The following CLVS1 variants were observed in gnomAD, a reference collection of about 807,000 sequenced individuals.
The protein encoded by CLVS1 is clavesin-1.
In CLVS1, 10 loss-of-function variants were observed where a neutral mutation model predicts 33.1. The observed-to-expected ratio is 0.30, with a 90% CI of 0.19 to 0.51. The LOEUF (loss-of-function observed/expected upper bound fraction) is 0.51. CLVS1 is among the 20% of genes least tolerant of loss of function. CLVS1 has a pLI of 0.97. For missense variants in CLVS1, 343 were observed against 433.4 expected (o/e 0.79, Z 1.85); for synonymous variants, 163 against 166.1 (o/e 0.98, Z 0.14).
intron 3 of CLVS1, among the ~76,000 whole-genome samples, chr8:61,443,490 G>A (rs976920063): frequency 1.3e-5 from 2 of 151,980 alleles, no homozygotes; most frequent in African/African-American, 4.8e-5. Flanking sequence ...AGCACCATTT[G>A]TTGAAAACTA....
chr8:61,192,640 C>T (rs988646223), intron 2 of CLVS1, among the ~76,000 whole-genome samples: 2 of 152,106 alleles, frequency 1.3e-5, no homozygotes, highest in African/African-American at 4.8e-5. Flanking sequence ...GGCTAATATC[C>T]AGAATCTACA....
chr8:61,006,534 G>T, the CLVS1 span, among the ~76,000 whole-genome samples: 4 of 152,184 alleles, frequency 2.6e-5, no homozygotes, highest in East Asian at 7.7e-4. Flanking sequence ...CAGTGGGTGT[G>T]AAGAAACAAA....
chr8:61,118,786 T>G (rs890474390), intron 1 of CLVS1, among the ~76,000 whole-genome samples: 2 of 152,214 alleles, frequency 1.3e-5, no homozygotes, highest in African/African-American at 4.8e-5. Flanking sequence ...AGAGCTTTAC[T>G]TCCAACTATG....
chr8:61,443,357 G>A (rs563216151), intron 3 of CLVS1, among the ~76,000 whole-genome samples: 1 of 152,204 alleles, frequency 6.6e-6, no homozygotes, highest in South Asian at 2.1e-4. Flanking sequence ...CTTTCTAAAA[G>A]TTTTATGGTT....
At chr8:61,157,508 G>C (rs902206659) in intron 2 of CLVS1, among the ~76,000 whole-genome samples, 9 of 152,042 alleles carry the variant, frequency 5.9e-5, no homozygotes, top group African/African-American at 2.2e-4. Flanking sequence ...ATTTCCTAGA[G>C]AGTACCCAAA....
At chr8:61,185,420 C>T (rs1306884177) in intron 2 of CLVS1, among the ~76,000 whole-genome samples, 1 of 151,790 alleles carries the variant, frequency 6.6e-6, no homozygotes, top group African/African-American at 2.4e-5. Context: ...TCCAAAAGTC[C>T]TGGAATTATA....
intron 2 of CLVS1, among the ~76,000 whole-genome samples, chr8:61,255,242 G>A (rs1316732425): frequency 6.6e-6 from 1 of 152,134 alleles, no homozygotes; most frequent in Non-Finnish European, 1.5e-5. Context: ...CCAGAGTGTT[G>A]GGGTGAGTGC....
chr8:61,469,922 G>A lies in CLVS1; in HGVS notation c.977+11380G>A, dbSNP rs185134209. Among the ~76,000 whole-genome samples the A allele has an allele frequency of 1.8e-4, 28 of 152,220 alleles. No individual in the cohort carries two copies. In the East Asian group the frequency reaches 3.9e-3, roughly 21 times the overall value. ...TGTGATTGAACTTCTTAGTTTTGGCGTCTCACTGCTACTCAAGCAGCTAAT... is the reference window on the plus strand; with the variant it reads ...TGTGATTGAACTTCTTAGTTTTGGCATCTCACTGCTACTCAAGCAGCTAAT... On this transcript the variant is annotated intron_variant, in intron 5 of 5. Transcript: ENST00000325897.
intron 2 of CLVS1, among the ~76,000 whole-genome samples, chr8:61,182,488 A>G (rs1368386855): frequency 6.6e-6 from 1 of 152,222 alleles, no homozygotes; most frequent in African/African-American, 2.4e-5. Flanking sequence ...TTTATGAGAA[A>G]AAAACAAACA....
intron 3 of CLVS1, among the ~76,000 whole-genome samples, chr8:61,385,542 A>C (rs1320385538): frequency 6.6e-6 from 1 of 152,216 alleles, no homozygotes; most frequent in African/African-American, 2.4e-5. Context: ...TGCCCTTGCA[A>C]AAGAATTAGT....
chr8:60,989,261 A>G, the CLVS1 span, among the ~76,000 whole-genome samples: 2 of 151,770 alleles, frequency 1.3e-5, no homozygotes, highest in African/African-American at 2.4e-5. Flanking sequence ...GCTCACTGCA[A>G]TCTCCACCTC....
intron 3 of CLVS1, among the ~76,000 whole-genome samples, chr8:61,383,335 GA>G (rs1438970885): frequency 6.6e-6 from 1 of 152,228 alleles, no homozygotes; most frequent in Non-Finnish European, 1.5e-5. Flanking sequence ...TAATGAGGCT[GA>G]AATGCACCTC....
At chr8:61,376,509 A>C (rs59810823) in intron 2 of CLVS1, 96 bp from the exon 3 acceptor site, 3 of 1,167,634 alleles carry the variant, frequency 2.6e-6, no homozygotes, top group Non-Finnish European at 3.7e-6. Flanking sequence ...GGCGGGGTTC[A>C]TGGAGCAGTG....
intron 2 of CLVS1, among the ~76,000 whole-genome samples, chr8:61,367,890 C>T (rs1281408725): frequency 2.0e-5 from 3 of 152,330 alleles, no homozygotes; most frequent in East Asian, 1.9e-4. Context: ...TCTTCCACAA[C>T]GTACAGAATC....
At chr8:61,272,628 C>A (rs1263847582) in intron 2 of CLVS1, among the ~76,000 whole-genome samples, 1 of 152,240 alleles carries the variant, frequency 6.6e-6, no homozygotes, top group South Asian at 2.1e-4. Flanking sequence ...CTTTCAGGTA[C>A]ACCAATCAGA....
intron 3 of CLVS1, among the ~76,000 whole-genome samples, chr8:61,449,747 A>G (rs535166124): frequency 6.6e-6 from 1 of 152,174 alleles, no homozygotes; most frequent in East Asian, 1.9e-4. Flanking sequence ...TGATACATAG[A>G]GCTAAATAAA....
chr8:61,242,170 G>A (rs955824833), intron 2 of CLVS1, among the ~76,000 whole-genome samples: 1 of 152,074 alleles, frequency 6.6e-6, no homozygotes, highest in Admixed American at 6.5e-5. Flanking sequence ...TGAGCTTCTT[G>A]AATCTGTAAA....
the CLVS1 span, among the ~76,000 whole-genome samples, chr8:60,999,349 T>A: frequency 2.6e-5 from 4 of 152,010 alleles, no homozygotes; most frequent in Non-Finnish European, 5.9e-5. Flanking sequence ...GAAATCAGAA[T>A]GAGAACATGG....
intron 3 of CLVS1, among the ~76,000 whole-genome samples, chr8:61,390,334 C>T (rs1045495345): frequency 6.6e-6 from 1 of 152,156 alleles, no homozygotes; most frequent in African/African-American, 2.4e-5. Context: ...TTAACCAATT[C>T]CCAACTGTTG....
Sources: allele counts gnomAD v4.1 joint callset (sites outside exome capture counted in the v4.1 genomes callset), GRCh38; gene constraint gnomAD v4.1.1; transcripts MANE v1.5; gene names NCBI Gene and HGNC (gene_info 2026-07-23, HGNC 2026-07-21).